FHIT: variants seen among roughly 807,000 people sequenced by gnomAD.
FHIT encodes the protein fragile histidine triad diadenosine triphosphatase.
In FHIT, 19 loss-of-function variants were observed where a neutral mutation model predicts 17.9. The observed-to-expected ratio is 1.06, with a 90% CI of 0.74 to 1.56. The LOEUF is 1.56. Among genes scored for constraint, FHIT ranks in the 40% most tolerant of loss-of-function variants. The pLI, the probability that FHIT is intolerant of heterozygous loss-of-function variation, is 0.00. For missense variants in FHIT, 248 were observed against 189.2 expected, an observed-to-expected ratio of 1.31 and a Z score of -1.82; for synonymous variants, 81 against 69.7, an observed-to-expected ratio of 1.16 and a Z score of -0.81.
chr3:61,156,084 A>G (rs1371304320), intron 2 of FHIT, among the ~76,000 whole-genome samples: 2 of 152,180 alleles, frequency 1.3e-5, no homozygotes, highest in Non-Finnish European at 2.9e-5. Context: ...CTCATTGCTG[A>G]AGGAATTAGG....
intron 7 of FHIT, among the ~76,000 whole-genome samples, chr3:59,945,251 G>T (rs754471406): frequency 6.6e-6 from 1 of 152,082 alleles, no homozygotes; most frequent in East Asian, 1.9e-4. Flanking sequence ...TTGTGTTTTT[G>T]ATTTGCATTT....
chr3:61,211,175 C>T (rs1246948972), intron 1 of FHIT, among the ~76,000 whole-genome samples: 1 of 151,622 alleles, frequency 6.6e-6, no homozygotes, highest in Admixed American at 6.6e-5. Flanking sequence ...TGCAGAGCAC[C>T]GTGCACAAGC....
At chr3:61,217,932 C>A (rs1278970673) in intron 1 of FHIT, among the ~76,000 whole-genome samples, 2 of 152,112 alleles carry the variant, frequency 1.3e-5, no homozygotes, top group African/African-American at 4.8e-5. Context: ...TGGGATTAGA[C>A]AAGGACCTTA....
At chr3:60,120,590 G>A (rs1316410336) in intron 5 of FHIT, among the ~76,000 whole-genome samples, 1 of 152,212 alleles carries the variant, frequency 6.6e-6, no homozygotes, top group Non-Finnish European at 1.5e-5. Flanking sequence ...CTGTAGGGTT[G>A]AGAATGTAAG....
At chr3:59,755,274 G>C (rs1468209731) in intron 8 of FHIT, among the ~76,000 whole-genome samples, 1 of 152,172 alleles carries the variant, frequency 6.6e-6, no homozygotes, top group Non-Finnish European at 1.5e-5. Context: ...CAGTTCAGCA[G>C]CCTTTGAATG....
intron 2 of FHIT, among the ~76,000 whole-genome samples, chr3:61,173,110 A>T (rs1010299845): frequency 1.3e-5 from 2 of 152,208 alleles, no homozygotes; most frequent in African/African-American, 2.4e-5. Context: ...ACCTTGATTT[A>T]AAAATGTTAA....
intron 5 of FHIT, among the ~76,000 whole-genome samples, chr3:60,499,288 C>A (rs2034426092): frequency 6.6e-6 from 1 of 152,174 alleles, no homozygotes; most frequent in African/African-American, 2.4e-5. Flanking sequence ...TCTTAAATCT[C>A]ACCAAAGCTT....
chr3:59,904,026 T>TA (rs1228111018), intron 8 of FHIT, among the ~76,000 whole-genome samples: 1 of 151,576 alleles, frequency 6.6e-6, no homozygotes, highest in Non-Finnish European at 1.5e-5. Context: ...ATAATAAGAA[T>TA]GGAAATAGGA....
At chr3:60,975,194 G>A (rs1314761565) in intron 3 of FHIT, among the ~76,000 whole-genome samples, 18 of 152,242 alleles carry the variant, frequency 1.2e-4, no homozygotes, top group South Asian at 8.3e-4. Context: ...AGTAAAATGT[G>A]CAGGGCCAGA....
intron 5 of FHIT, among the ~76,000 whole-genome samples, chr3:60,119,872 T>C (rs1320873980): frequency 6.6e-6 from 1 of 152,200 alleles, no homozygotes; most frequent in Non-Finnish European, 1.5e-5. Flanking sequence ...TTCCTTTTTA[T>C]AAAACTCTAC....
intron 2 of FHIT, among the ~76,000 whole-genome samples, chr3:61,089,561 C>T (rs566581121): frequency 6.6e-6 from 1 of 151,708 alleles, no homozygotes; most frequent in South Asian, 2.1e-4. Context: ...ATGTATACTT[C>T]AGTAAAAAAA....
intron 3 of FHIT, among the ~76,000 whole-genome samples, chr3:60,824,056 A>G (rs1385583593): frequency 6.6e-6 from 1 of 152,174 alleles, no homozygotes; most frequent in Non-Finnish European, 1.5e-5. Flanking sequence ...CTAAGAACTT[A>G]GGCTTTTACT....
intron 2 of FHIT, among the ~76,000 whole-genome samples, chr3:61,087,722 C>A (rs7649991): frequency 0.68 from 103,795 of 151,918 alleles, 36,593 homozygotes; most frequent in African/African-American, 0.78. Flanking sequence ...CACAAAATTA[C>A]ATGTTGTAAT....
intron 8 of FHIT, among the ~76,000 whole-genome samples, chr3:59,859,458 C>G (rs751030993): frequency 2.6e-5 from 4 of 152,318 alleles, no homozygotes; most frequent in Admixed American, 1.3e-4. Flanking sequence ...TGGCTCACGC[C>G]TGTAATCCCA....
chr3:60,964,966 G>C (rs1188363053), intron 3 of FHIT, among the ~76,000 whole-genome samples: 1 of 152,124 alleles, frequency 6.6e-6, no homozygotes, highest in Non-Finnish European at 1.5e-5. Context: ...TCCTGAATTT[G>C]AATGTTGGCC....
At chr3:60,611,835 A>G (rs1284102304) in intron 4 of FHIT, among the ~76,000 whole-genome samples, 2 of 152,156 alleles carry the variant, frequency 1.3e-5, no homozygotes, top group African/African-American at 4.8e-5. Context: ...TGTTCTACCC[A>G]CATGTCACAG....
intron 4 of FHIT, among the ~76,000 whole-genome samples, chr3:60,557,630 C>A (rs2107637144): frequency 6.6e-6 from 1 of 151,674 alleles, no homozygotes; most frequent in Admixed American, 6.6e-5. Context: ...GCTTGGTTCA[C>A]CCATGACATC....
intron 4 of FHIT, among the ~76,000 whole-genome samples, chr3:60,567,813 T>C (rs1313031493): frequency 6.6e-6 from 1 of 152,044 alleles, no homozygotes; most frequent in Non-Finnish European, 1.5e-5. Context: ...AACAGACACT[T>C]CTCAAAAGAA....
At chr3:60,157,538 A>G (rs1700755547) in intron 5 of FHIT, among the ~76,000 whole-genome samples, 1 of 152,200 alleles carries the variant, frequency 6.6e-6, no homozygotes, top group Admixed American at 6.5e-5. Context: ...GTGTGGGACT[A>G]GCTAAATACA....
Sources: allele counts gnomAD v4.1 joint callset (sites outside exome capture counted in the v4.1 genomes callset), GRCh38; gene constraint gnomAD v4.1.1; transcripts MANE v1.5; gene names NCBI Gene and HGNC (gene_info 2026-07-23, HGNC 2026-07-21).